SNX5: variants seen among roughly 807,000 people sequenced by gnomAD.
The protein encoded by SNX5 is sorting nexin-5.
In SNX5, 31 loss-of-function variants were observed where a neutral mutation model predicts 53.9. The ratio of observed to expected loss-of-function variants is 0.58; its 90% CI spans 0.43 to 0.78. The LOEUF (loss-of-function observed/expected upper bound fraction) is 0.78. Ranked by LOEUF, SNX5 falls within the 30% of genes least tolerant of loss-of-function variation. The pLI, the probability that SNX5 is intolerant of heterozygous loss-of-function variation, is 0.00. For synonymous variants in SNX5, 168 were observed against 171.1 expected (o/e 0.98, Z 0.14); for missense variants, 471 against 478.8 (o/e 0.98, Z 0.15).
At position 17,956,975 on chromosome 20, in the gene SNX5, C is replaced by A. The variant is rs1254857964; in HGVS notation, c.114G>T (p.Ala38=). 3 of 1,607,952 alleles carry A rather than the reference C, an allele frequency of 1.9e-6. No individual in the cohort carries two copies. The highest frequency in any genetic ancestry group is 1.7e-5 in the Admixed American group (1 of 60,004). ...DPSLQIDIPD[A]LSERDKVKFT... The stretch of plus-strand genomic sequence containing the variant: ...ATTTGACTTTGTCTCTCTCACTGAG[C>A]GCATCAGGTATGTCAATCTGAAGCG... The change falls in exon 2 of 13, where the codon GCG becomes GCT. Residue 38 remains alanine (A), a synonymous_variant. Transcript: ENST00000377759.
chr20:17,968,293 T>C (rs1164000360), intron 1 of SNX5, 82 bp downstream of exon 1: 19 of 1,159,532 alleles, frequency 1.6e-5, no homozygotes, highest in South Asian at 4.1e-5. Flanking sequence ...CCACGGCCTA[T>C]GGACGCGCAA....
intron 6 of SNX5, chr20:17,950,960 G>A (rs184891722): frequency 1.3e-5 from 2 of 158,308 alleles, no homozygotes; most frequent in African/African-American, 2.4e-5. Flanking sequence ...GACAGTAATT[G>A]TAAGGGTAAC....
intron 2 of SNX5, 144 bp from the exon 3 acceptor site, chr20:17,955,619 G>C: frequency 1.7e-6 from 1 of 587,414 alleles, no homozygotes; most frequent in Non-Finnish European, 3.1e-6. Context: ...ATGATCTCCT[G>C]TCATGAAAGT....
Position 17,968,538 on chromosome 20 carries a change from C to G in SNX5, c.-113G>C. On this transcript the variant is annotated 5_prime_UTR_variant, in exon 1 of 13. Coordinates refer to ENST00000377759, the MANE Select transcript of SNX5 (RefSeq NM_014426.4). Reference sequence around the variant, plus strand: ...GGGGCGGCCACGGCCCCGCCTCCGCCGGCCTCCCTGCCCGACGGCGGCAGG... The same window carrying G: ...GGGGCGGCCACGGCCCCGCCTCCGCGGGCCTCCCTGCCCGACGGCGGCAGG... The G allele has an allele frequency of 9.8e-7, 1 of 1,022,720 alleles. No homozygotes were observed. The highest frequency in any genetic ancestry group is 2.0e-5 in the South Asian group (1 of 49,580). The allele number at this position is 1,022,720 out of a possible 1,614,324, so 63.4% of individuals were successfully genotyped here.
chr20:17,942,895 T>TA (rs11334169), intron 12 of SNX5: 13,153 of 339,674 alleles, frequency 0.039, 153 homozygotes, highest in African/African-American at 0.096. Flanking sequence ...CCATCTCTAT[T>TA]AAAAAAAAAA....
chr20:17,943,150 TTC>T lies in SNX5; in HGVS notation c.1122_1123del (p.Asn375SerfsTer3). The T allele has an allele frequency of 1.2e-6, 2 of 1,611,158 alleles. No homozygotes were observed. The highest frequency in any genetic ancestry group is 8.5e-7 in the Non-Finnish European group (1 of 1,177,346). On this transcript the variant is annotated frameshift_variant, in exon 12 of 13. Coordinates refer to ENST00000377759, the MANE Select transcript of SNX5 (RefSeq NM_014426.4). LOFTEE classifies it high-confidence loss of function. ...TTCCAGTTCAGACATTTCAATTAGA[TTC>T]TTTCTAAATGCTGCCACTCTCTTCC...
Position 17,954,107 on chromosome 20 carries a change from G to A in SNX5, c.278C>T (p.Ala93Val), listed in dbSNP as rs200913564. Residue 93 changes from alanine to valine, a missense_variant, in exon 4 of 13, where the codon GCT becomes GTT. Ala to Val is a moderately conservative substitution (Grantham distance 64, BLOSUM62 0). Transcript: ENST00000377759. ...TDYAGLIIPP[A>V]PTKPDFDGPR... The stretch of plus-strand genomic sequence containing the variant: ...ACCATCAAAGTCGGGCTTCGTAGGA[G>A]CAGGTGGAATCTGCAGCAGAGGCAG... 8.1e-6 allele frequency: 13 copies of A among 1,613,718 alleles called. No homozygotes were observed. Among genetic ancestry groups the A allele is most frequent in the Middle Eastern group, 1.7e-4 (1 of 6,054 alleles).
intron 10 of SNX5, among the ~76,000 whole-genome samples, chr20:17,948,539 C>T (rs1263477462): frequency 6.6e-6 from 1 of 152,242 alleles, no homozygotes; most frequent in African/African-American, 2.4e-5. Flanking sequence ...AAAGGTTATT[C>T]TGCTTACCAT....
chr20:17,953,338 GGATGGATTCATA>G (rs2039596027), intron 4 of SNX5, among the ~76,000 whole-genome samples: 2 of 152,210 alleles, frequency 1.3e-5, no homozygotes, highest in Non-Finnish European at 2.9e-5. Flanking sequence ...GGAAATGCAA[GGATGGATTCATA>G]AGAAACTTTC....
intron 1 of SNX5, among the ~76,000 whole-genome samples, chr20:17,958,622 AC>A (rs140698517): frequency 0.012 from 1,892 of 152,332 alleles, 39 homozygotes; most frequent in African/African-American, 0.043. Flanking sequence ...TTTTTCTTCC[AC>A]ATGAATTCTT....
At chr20:17,943,297 T>C in intron 11 of SNX5, 102 bp from the exon 12 acceptor site, 1 of 774,430 alleles carries the variant, frequency 1.3e-6, no homozygotes, top group Non-Finnish European at 2.3e-6. Context: ...TCCAATGCTT[T>C]CAGGCACCAG....
chr20:17,955,383 T>C lies in SNX5; in HGVS notation c.249A>G (p.Thr83=), dbSNP rs1259123995. The change falls in exon 3 of 13, where the codon ACA becomes ACG. Residue 83 remains threonine, a synonymous_variant. Coordinates refer to ENST00000377759, the MANE Select transcript of SNX5 (RefSeq NM_014426.4). ...VWLHDTLIET[T]DYAGLIIPPA... ...GACTCACAATAAGCCCAGCATAGTC[T>C]GTTGTTTCAATAAGAGTGTCATGTA... is the stretch of plus-strand genomic sequence containing the variant. 7 of 1,612,624 alleles carry C rather than the reference T, an allele frequency of 4.3e-6. No individual in the cohort carries two copies. Among genetic ancestry groups the C allele is most frequent in the African/African-American group, 1.3e-5 (1 of 75,044 alleles).
intron 10 of SNX5, 103 bp from the exon 11 acceptor site, chr20:17,947,748 C>T: frequency 1.1e-6 from 1 of 883,514 alleles, no homozygotes; most frequent in East Asian, 2.9e-5. Context: ...CAATAATCTA[C>T]CTCTACACCT....
intron 1 of SNX5, among the ~76,000 whole-genome samples, chr20:17,963,667 T>C (rs1021947883): frequency 4.6e-5 from 7 of 152,286 alleles, no homozygotes; most frequent in Admixed American, 1.3e-4. Context: ...GCTAAGATGG[T>C]CCATATTACT....
rs913634871 is a variant in SNX5 at position 17,954,117 on chromosome 20, T to C, written c.268A>G (p.Ile90Val). ...TCGGGCTTCGTAGGAGCAGGTGGAA[T>C]CTGCAGCAGAGGCAGGAACTCATGA... ...IETTDYAGLI[I>V]PPAPTKPDFD... Residue 90 changes from isoleucine to valine, a missense_variant and splice_region_variant, in exon 4 of 13, where the codon ATT becomes GTT. Ile to Val is a conservative substitution (Grantham distance 29). Transcript: ENST00000377759. 9 of 1,613,318 alleles carry C rather than the reference T, an allele frequency of 5.6e-6. No individual in the cohort carries two copies. The African/African-American group carries it at 1.2e-4, about 22-fold the overall frequency.
rs1568602423 is a variant in SNX5 at position 17,968,689 on chromosome 20, GT to G, written c.-265del. ...TCTTGGAGCCGGGCAAAGACGCCAC[GT>G]GGGGCCTACCCTTGCTCCGCTCCAC... On this transcript the variant is annotated 5_prime_UTR_variant, in exon 1 of 13. Coordinates refer to ENST00000377759, the MANE Select transcript of SNX5 (RefSeq NM_014426.4). 1.8e-6 allele frequency: 1 copy of G among 564,078 alleles called. No homozygotes were observed. Among genetic ancestry groups the G allele is most frequent in the South Asian group, 1.8e-5 (1 of 57,088 alleles). The allele number at this position is 564,078 out of a possible 1,614,324, so 34.9% of individuals were successfully genotyped here. A position where few individuals can be genotyped will look rare whatever the true frequency, so the allele number is the denominator to read the frequency against.
chr20:17,952,683 A>G lies in SNX5; in HGVS notation c.417T>C (p.Thr139=). The part of the protein sequence containing the change: ...EAEYLAVFKK[T]VSSHEVFLQR... ...GAAGAAAGACTTCATGGGAGGACAC[A>G]GTCTTCTTAAACACAGCGAGATACT... The change falls in exon 5 of 13, where the codon ACT becomes ACC. Residue 139 remains threonine (T), a synonymous_variant. Transcript: ENST00000377759. The G allele has an allele frequency of 1.2e-6, 2 of 1,614,056 alleles. No individual in the cohort carries two copies. The highest frequency in any genetic ancestry group is 1.1e-5 in the South Asian group (1 of 91,070).
intron 1 of SNX5, among the ~76,000 whole-genome samples, chr20:17,964,897 AAACACG>A (rs1397635839): frequency 6.6e-6 from 1 of 152,202 alleles, no homozygotes; most frequent in Admixed American, 6.5e-5. Flanking sequence ...TCACAAACAC[AAACACG>A]AAGCCCTCCC....
chr20:17,953,206 A>G (rs1005051717), intron 4 of SNX5, among the ~76,000 whole-genome samples: 2 of 152,188 alleles, frequency 1.3e-5, no homozygotes, highest in Non-Finnish European at 2.9e-5. Flanking sequence ...GAGCCACTCA[A>G]GTGTGTGCTA....
Sources: gnomAD v4.1 joint callset for allele counts (sites outside exome capture counted in the v4.1 genomes callset) on GRCh38, gnomAD v4.1.1 for gene constraint, MANE v1.5 for transcripts, NCBI Gene and HGNC (gene_info 2026-07-23, HGNC 2026-07-21) for gene names.